Variants in SGCZ observed in about 807,000 individuals in gnomAD.
SGCZ encodes zeta-sarcoglycan.
Under a neutral mutation model 41.3 loss-of-function variants are expected in SGCZ, and 40 were observed. That is an observed-to-expected ratio of 0.97 (90% CI 0.75 to 1.26). The LOEUF (loss-of-function observed/expected upper bound fraction) is 1.26. SGCZ is among the 50% of genes most tolerant of loss of function. SGCZ has a pLI of 0.00. For missense variants in SGCZ, 552 were observed against 369.8 expected, an observed-to-expected ratio of 1.49 and a Z score of -4.04; for synonymous variants, 206 against 137.5, an observed-to-expected ratio of 1.50 and a Z score of -3.49.
chr8:14,994,767 A>G (rs1454842209), intron 1 of SGCZ, among the ~76,000 whole-genome samples: 1 of 152,096 alleles, frequency 6.6e-6, no homozygotes, highest in Non-Finnish European at 1.5e-5. Context: ...TTCTATTTAT[A>G]CTATAAATTC....
At chr8:15,155,663 T>C (rs925627866) in intron 1 of SGCZ, among the ~76,000 whole-genome samples, 4 of 152,182 alleles carry the variant, frequency 2.6e-5, no homozygotes, top group African/African-American at 9.7e-5. Context: ...GAAGAACGCC[T>C]ATTAAATATA....
chr8:14,683,071 A>G (rs1808499760), intron 1 of SGCZ, among the ~76,000 whole-genome samples: 2 of 152,144 alleles, frequency 1.3e-5, no homozygotes, highest in Admixed American at 6.5e-5. Flanking sequence ...ACTTGTGAAA[A>G]CCCATGATGA....
chr8:14,614,019 G>C (rs1301504973), intron 1 of SGCZ, among the ~76,000 whole-genome samples: 1 of 152,024 alleles, frequency 6.6e-6, no homozygotes, highest in East Asian at 1.9e-4. Context: ...GTCAGTTTAG[G>C]CACTGCCTTC....
chr8:14,522,028 C>T (rs558983616), intron 2 of SGCZ, among the ~76,000 whole-genome samples: 2 of 151,962 alleles, frequency 1.3e-5, no homozygotes, highest in Non-Finnish European at 2.9e-5. Flanking sequence ...TATGATCAAG[C>T]GATATTTCAT....
At chr8:14,671,166 C>A (rs1433960967) in intron 1 of SGCZ, among the ~76,000 whole-genome samples, 1 of 152,150 alleles carries the variant, frequency 6.6e-6, no homozygotes, top group Non-Finnish European at 1.5e-5. Flanking sequence ...TTATAGAACC[C>A]ATTTCTTTTG....
rs1183418288 is a variant in SGCZ at position 14,247,767 on chromosome 8, A to G, written c.337-10088T>C. Among the ~76,000 whole-genome samples the G allele has an allele frequency of 3.3e-5, 5 of 151,972 alleles. No homozygotes were observed. The East Asian group carries it at 9.7e-4, about 29-fold the overall frequency. ...CCCTCACACCAGCCCCAGGGTTCCA[A>G]CCCTATCCACTGTGAGTGCTACTGT... is the stretch of plus-strand genomic sequence containing the variant. On this transcript the variant is annotated intron_variant, in intron 3 of 7. Transcript: ENST00000382080.
intron 2 of SGCZ, among the ~76,000 whole-genome samples, chr8:14,442,005 C>A (rs756364620): frequency 1.3e-5 from 2 of 152,258 alleles, no homozygotes; most frequent in African/African-American, 2.4e-5. Flanking sequence ...GAAAGCCATA[C>A]ATTCCCCTGC....
In SGCZ at chr8:14,217,131, C is replaced by T. The variant is rs140883719; in HGVS notation, c.424+20461G>A. On this transcript the variant is annotated intron_variant, in intron 4 of 7. Transcript: ENST00000382080. Reference sequence around the variant, plus strand: ...TTAAACCCTGTCTATACTAAAAATACGCACACACACAAAAAGTTAGCCGGC... The same window carrying T: ...TTAAACCCTGTCTATACTAAAAATATGCACACACACAAAAAGTTAGCCGGC... Among the ~76,000 whole-genome samples the T allele has an allele frequency of 3.2e-4, 49 of 151,916 alleles. 1 individual carries two copies. The East Asian group carries it at 5.0e-3, about 16-fold the overall frequency.
chr8:14,981,100 C>T (rs982484625), intron 1 of SGCZ, among the ~76,000 whole-genome samples: 1 of 152,112 alleles, frequency 6.6e-6, no homozygotes, highest in African/African-American at 2.4e-5. Flanking sequence ...CTCCTACCAA[C>T]TCATATTTGC....
intron 1 of SGCZ, among the ~76,000 whole-genome samples, chr8:15,135,043 A>G (rs1036527465): frequency 3.9e-5 from 6 of 152,178 alleles, no homozygotes; most frequent in Non-Finnish European, 8.8e-5. Flanking sequence ...GAGTTCATTT[A>G]GGCATCTTCA....
intron 1 of SGCZ, among the ~76,000 whole-genome samples, chr8:15,035,919 G>T (rs1374430938): frequency 6.6e-6 from 1 of 151,936 alleles, no homozygotes; most frequent in Non-Finnish European, 1.5e-5. Context: ...TTCGGTAATG[G>T]ATAGATTACT....
intron 1 of SGCZ, among the ~76,000 whole-genome samples, chr8:14,856,355 G>A (rs889098338): frequency 2.6e-5 from 4 of 152,278 alleles, no homozygotes; most frequent in African/African-American, 7.2e-5. Flanking sequence ...AACCTCTAAA[G>A]GTTAGGGTTT....
chr8:14,776,886 T>G (rs1196112394), intron 1 of SGCZ, among the ~76,000 whole-genome samples: 1 of 152,224 alleles, frequency 6.6e-6, no homozygotes, highest in Admixed American at 6.5e-5. Flanking sequence ...AATACCAGGT[T>G]ATAGACTGAC....
At chr8:14,923,176 G>T (rs981290941) in intron 1 of SGCZ, among the ~76,000 whole-genome samples, 3 of 152,124 alleles carry the variant, frequency 2.0e-5, no homozygotes, top group African/African-American at 7.2e-5. Flanking sequence ...GTACAGATTT[G>T]GTTCCTCTAC....
At chr8:14,601,379 G>A (rs1052824616) in intron 1 of SGCZ, among the ~76,000 whole-genome samples, 1 of 152,094 alleles carries the variant, frequency 6.6e-6, no homozygotes, top group Non-Finnish European at 1.5e-5. Flanking sequence ...ACAGTTTTAG[G>A]TGAAAGGGTA....
intron 3 of SGCZ, among the ~76,000 whole-genome samples, chr8:14,242,492 C>T (rs76312406): frequency 0.099 from 15,033 of 152,208 alleles, 863 homozygotes; most frequent in East Asian, 0.23. Flanking sequence ...ATTTCTGCAT[C>T]ATAGTCTCTT....
At chr8:14,339,739 G>C (rs559698525) in intron 2 of SGCZ, among the ~76,000 whole-genome samples, 3 of 152,100 alleles carry the variant, frequency 2.0e-5, no homozygotes, top group African/African-American at 7.2e-5. Context: ...CTAGCCAAAA[G>C]GATGGAACTT....
chr8:14,616,662 G>A (rs202153382), intron 1 of SGCZ, among the ~76,000 whole-genome samples: 2 of 152,032 alleles, frequency 1.3e-5, no homozygotes, highest in African/African-American at 4.8e-5. Context: ...AAGAGAGACC[G>A]GAAAATTGAG....
intron 1 of SGCZ, among the ~76,000 whole-genome samples, chr8:14,608,429 T>C (rs1489327074): frequency 4.0e-5 from 6 of 150,852 alleles, no homozygotes; most frequent in Non-Finnish European, 8.9e-5. Context: ...GATATTTTAC[T>C]CATGGCAAAG....
Sources: allele counts gnomAD v4.1 joint callset (sites outside exome capture counted in the v4.1 genomes callset), GRCh38; gene constraint gnomAD v4.1.1; transcripts MANE v1.5; gene names NCBI Gene and HGNC (gene_info 2026-07-23, HGNC 2026-07-21).